CD226: variants seen among roughly 807,000 people sequenced by gnomAD.
CD226 encodes CD226 molecule, also known as CD226 antigen.
A neutral mutation model predicts 34.9 loss-of-function variants in CD226; 24 were observed. That is an observed-to-expected ratio of 0.69 (90% CI 0.50 to 0.97). The LOEUF is 0.97. Among genes scored for constraint, CD226 ranks in the 50% least tolerant of loss-of-function variants. The pLI is 0.00. For missense variants in CD226, 397 were observed against 412.7 expected (o/e 0.96, Z 0.33); for synonymous variants, 148 against 147.4 (o/e 1.00, Z -0.03).
At chr18:69,872,835 T>C (rs1983618886) in intron 4 of CD226, among the ~76,000 whole-genome samples, 1 of 152,192 alleles carries the variant, frequency 6.6e-6, no homozygotes, top group Non-Finnish European at 1.5e-5. Flanking sequence ...TCTCGCGCTG[T>C]GTCATACACG....
upstream of CD226, among the ~76,000 whole-genome samples, chr18:69,949,153 C>G (rs954611534): frequency 2.0e-5 from 3 of 152,088 alleles, no homozygotes; most frequent in Admixed American, 1.3e-4. Context: ...ACGTAGCAAT[C>G]AGAAACCGCG....
intron 4 of CD226, among the ~76,000 whole-genome samples, chr18:69,869,660 A>C (rs1983378518): frequency 6.6e-6 from 1 of 152,200 alleles, no homozygotes; most frequent in South Asian, 2.1e-4. Flanking sequence ...CCCTGAACTT[A>C]AAATAAATGT....
rs569762377 is a variant in CD226 at position 69,940,095 on chromosome 18, G to C, written c.382+6639C>G. 2.2e-4 allele frequency among the ~76,000 whole-genome samples: 33 copies of C among 152,278 alleles called. 2 individuals are homozygous for C. The South Asian group carries it at 3.1e-3, about 14-fold the overall frequency. ...TAGTGAGTTAGTTCTCATGAGATCT[G>C]ATGGTTTTATAAGGGGCTTCCCCTG... On this transcript the variant is annotated intron_variant, in intron 2 of 5. Transcript: ENST00000582621.
chr18:69,894,975 G>A (rs1260584617), intron 3 of CD226, among the ~76,000 whole-genome samples: 2 of 152,098 alleles, frequency 1.3e-5, no homozygotes, highest in Non-Finnish European at 2.9e-5. Context: ...TGGTGCCTTG[G>A]AGGAGGCCTT....
chr18:69,870,695 C>T (rs1339628690), intron 4 of CD226, among the ~76,000 whole-genome samples: 4 of 152,138 alleles, frequency 2.6e-5, no homozygotes, highest in African/African-American at 9.7e-5. Context: ...GAGAAGCTGC[C>T]GCCAATCCCT....
At chr18:69,876,430 A>G (rs1158279739) in intron 3 of CD226, among the ~76,000 whole-genome samples, 2 of 152,210 alleles carry the variant, frequency 1.3e-5, no homozygotes, top group African/African-American at 4.8e-5. Flanking sequence ...TTTCATAGGA[A>G]ATATGTTACC....
At chr18:69,935,537 ACAGTCCC>A (rs2055642063) in intron 2 of CD226, among the ~76,000 whole-genome samples, 6 of 152,210 alleles carry the variant, frequency 3.9e-5, no homozygotes, top group Admixed American at 2.0e-4. Flanking sequence ...GTGTGAGGCC[ACAGTCCC>A]CACGCTGCAT....
In CD226 at chr18:69,876,243, C is replaced by A. The variant is rs540926214; in HGVS notation, c.728-2997G>T. The stretch of plus-strand genomic sequence containing the variant: ...CTTAAAAAAGAATATTTTATCAAAT[C>A]TTAGTGGTTAAAGTACAGGATGTAG... On this transcript the variant is annotated intron_variant, in intron 3 of 5. Transcript: ENST00000582621. Among the ~76,000 whole-genome samples, 3 of 152,178 alleles carry A rather than the reference C, an allele frequency of 2.0e-5. No homozygotes were observed. The East Asian group carries it at 5.8e-4, about 29-fold the overall frequency.
intron 3 of CD226, among the ~76,000 whole-genome samples, chr18:69,874,933 G>A (rs561053491): frequency 6.6e-6 from 1 of 152,142 alleles, no homozygotes; most frequent in South Asian, 2.1e-4. Flanking sequence ...AGGGTTAATA[G>A]TACTACATTG....
At chr18:69,932,526 T>C (rs1035974542) in intron 2 of CD226, among the ~76,000 whole-genome samples, 11 of 152,152 alleles carry the variant, frequency 7.2e-5, no homozygotes, top group Non-Finnish European at 1.3e-4. Context: ...CCCTCCAAGT[T>C]CACCACCTGG....
In CD226 at chr18:69,857,688, G is replaced by C. The variant is rs755282863; in HGVS notation, c.*6626C>G. On this transcript the variant is annotated 3_prime_UTR_variant, in exon 6 of 6. Coordinates refer to ENST00000582621, the MANE Select transcript of CD226 (RefSeq NM_001303618.2). ...ATATGGCTGGGCAATACAACACAAG[G>C]CTTCCTTTTCAGGAATTTGGAGAAC... The C allele has an allele frequency of 6.6e-6, 1 of 152,156 alleles. No individual in the cohort carries two copies. Among genetic ancestry groups the C allele is most frequent in the Non-Finnish European group, 1.5e-5 (1 of 68,024 alleles). The allele number at this position is 152,156 out of a possible 1,614,324, so 9.4% of individuals were successfully genotyped here.
At chr18:69,901,927 G>A (rs1441397952) in intron 2 of CD226, among the ~76,000 whole-genome samples, 2 of 151,498 alleles carry the variant, frequency 1.3e-5, no homozygotes, top group East Asian at 3.9e-4. Context: ...AGAAGCAAGA[G>A]AAGGAACCTA....
chr18:69,939,487 G>A (rs1172472619), intron 2 of CD226, among the ~76,000 whole-genome samples: 1 of 152,152 alleles, frequency 6.6e-6, no homozygotes, highest in East Asian at 1.9e-4. Context: ...ATAGACCTCA[G>A]TGTGCTTTTC....
upstream of CD226, among the ~76,000 whole-genome samples, chr18:69,949,559 T>C (rs367630245): frequency 6.6e-6 from 1 of 151,668 alleles, no homozygotes. Context: ...TCATATCTTC[T>C]GTCTCAGGCC....
chr18:69,899,162 T>A (rs1412738404), intron 2 of CD226, among the ~76,000 whole-genome samples: 1 of 152,224 alleles, frequency 6.6e-6, no homozygotes, highest in African/African-American at 2.4e-5. Flanking sequence ...GCTTCATCAC[T>A]TTTCCAACCA....
intron 4 of CD226, among the ~76,000 whole-genome samples, chr18:69,870,285 T>G (rs1416769066): frequency 1.3e-5 from 2 of 149,620 alleles, no homozygotes; most frequent in African/African-American, 4.9e-5. Context: ...TTTTTTTTTT[T>G]TTTTTTTGAG....
chr18:69,905,036 T>A lies in CD226; in HGVS notation c.383-8991A>T, dbSNP rs575588899. ...AAGCCTTGAACGAGTCCTTACTAAG[T>A]GCCAGCATTAAATGCATTACCTAAG... On this transcript the variant is annotated intron_variant, in intron 2 of 5. Coordinates refer to ENST00000582621, the MANE Select transcript of CD226 (RefSeq NM_001303618.2). Among the ~76,000 whole-genome samples, 4 of 152,344 alleles carry A rather than the reference T, an allele frequency of 2.6e-5. No homozygotes were observed. The South Asian group carries it at 8.3e-4, about 32-fold the overall frequency.
intron 2 of CD226, among the ~76,000 whole-genome samples, chr18:69,929,047 A>T (rs2055557519): frequency 2.0e-5 from 3 of 152,216 alleles, no homozygotes; most frequent in South Asian, 4.1e-4. Flanking sequence ...GTCCAGGAAG[A>T]TCATGGAAAT....
At chr18:69,917,805 T>C (rs1169370117) in intron 2 of CD226, among the ~76,000 whole-genome samples, 2 of 152,188 alleles carry the variant, frequency 1.3e-5, no homozygotes, top group Non-Finnish European at 2.9e-5. Flanking sequence ...GGATCAAAGA[T>C]TGAGTCTCCT....
Sources: allele counts gnomAD v4.1 joint callset (sites outside exome capture counted in the v4.1 genomes callset), GRCh38; gene constraint gnomAD v4.1.1; transcripts MANE v1.5; gene names NCBI Gene and HGNC (gene_info 2026-07-23, HGNC 2026-07-21).